Variants in APBB1IP observed in about 807,000 individuals in gnomAD.
APBB1IP encodes the protein amyloid beta precursor protein binding family B member 1 interacting protein.
In APBB1IP, 27 loss-of-function variants were observed where a neutral mutation model predicts 64.9. The ratio of observed to expected loss-of-function variants is 0.42; its 90% CI spans 0.31 to 0.57. The LOEUF (loss-of-function observed/expected upper bound fraction) is 0.57. Among genes scored for constraint, APBB1IP ranks in the 20% least tolerant of loss-of-function variants. The pLI, the probability that APBB1IP is intolerant of heterozygous loss-of-function variation, is 0.20. For synonymous variants in APBB1IP, 392 were observed against 331.0 expected, an observed-to-expected ratio of 1.18 and a Z score of -2.00; for missense variants, 812 against 845.5, an observed-to-expected ratio of 0.96 and a Z score of 0.49.
rs1393819648 is a variant in APBB1IP, at chr10:26,511,902, A to G, written c.687A>G (p.Gln229=). The change falls in exon 7 of 15, where the codon CAA becomes CAG. Residue 229 remains glutamine, a synonymous_variant. Coordinates refer to ENST00000376236, the MANE Select transcript of APBB1IP (RefSeq NM_019043.4). ...WCLYEIYPEL[Q]IERFFEDHEN... ...TTTATGAAATCTACCCGGAACTACA[A>G]ATTGGTAAGTCCCATCCCCAGCAAT... 6.2e-7 allele frequency: 1 copy of G among 1,614,150 alleles called. No homozygotes were observed. The highest frequency in any genetic ancestry group is 2.2e-5 in the East Asian group (1 of 44,886).
intron 2 of APBB1IP, among the ~76,000 whole-genome samples, chr10:26,439,234 C>T (rs1835313491): frequency 6.6e-6 from 1 of 152,056 alleles, no homozygotes; most frequent in Admixed American, 6.6e-5. Flanking sequence ...GTCCGGGAGC[C>T]CCAGTCTCCC....
At position 26,443,683 on chromosome 10, in the gene APBB1IP, C is replaced by T. The variant is rs376423795; in HGVS notation, c.-1+4830C>T. Among the ~76,000 whole-genome samples the T allele has an allele frequency of 6.8e-5, 10 of 147,692 alleles. No homozygotes were observed. The East Asian group carries it at 1.4e-3, about 21-fold the overall frequency. On this transcript the variant is annotated intron_variant, in intron 2 of 14. Transcript: ENST00000376236. ...TCATGTAGCTGGGATCACAGGTGTG[C>T]GTCACCATGCCCAGCTAATTAAAAA...
chr10:26,443,327 G>A (rs1263946327), intron 2 of APBB1IP, among the ~76,000 whole-genome samples: 1 of 151,952 alleles, frequency 6.6e-6, no homozygotes. Context: ...GGGAGGCTGA[G>A]GCAGGAGAAT....
chr10:26,561,064 C>CTTTTTTTTTTTTTTTTT (rs764573338), intron 13 of APBB1IP, among the ~76,000 whole-genome samples: 2 of 69,218 alleles, frequency 2.9e-5, no homozygotes, highest in African/African-American at 5.9e-5. Flanking sequence ...TTCTTTCTTT[C>CTTTTTTTTTTTTTTTTT]TTTTTTTTTT....
chr10:26,536,214 T>G lies in APBB1IP; in HGVS notation c.1041T>G (p.Thr347=). Residue 347 remains threonine (T), a synonymous_variant, in exon 10 of 15, where the codon ACT becomes ACG. Coordinates refer to ENST00000376236, the MANE Select transcript of APBB1IP (RefSeq NM_019043.4). ...TTTATTATGTACCCAAAGGAAAGAC[T>G]AAGGTCAGAAAAAAAAAAAAAAAAG... ...SGIYYVPKGK[T]KTSRDLACFI... The G allele has an allele frequency of 1.4e-6, 2 of 1,410,000 alleles. No individual in the cohort carries two copies. The highest frequency in any genetic ancestry group is 1.5e-5 in the South Asian group (1 of 64,960). The allele number at this position is 1,410,000 out of a possible 1,614,324, so 87.3% of individuals were successfully genotyped here.
At chr10:26,467,656 A>T (rs1835664747) in intron 2 of APBB1IP, among the ~76,000 whole-genome samples, 1 of 152,180 alleles carries the variant, frequency 6.6e-6, no homozygotes, top group South Asian at 2.1e-4. Context: ...CGATCATGCC[A>T]CTGCACTCCA....
At chr10:26,554,457 A>G (rs748249361) in intron 11 of APBB1IP, among the ~76,000 whole-genome samples, 8 of 152,182 alleles carry the variant, frequency 5.3e-5, no homozygotes, top group Non-Finnish European at 8.8e-5. Context: ...TGCGTGTGCC[A>G]ATCTCTGCCT....
chr10:26,541,826 G>A, intron 11 of APBB1IP, 134 bp downstream of exon 11: 1 of 588,028 alleles, frequency 1.7e-6, no homozygotes, highest in Admixed American at 3.9e-5. Context: ...AGGAATGAGG[G>A]AAACATTTCT....
rs772671169 is a variant in APBB1IP at position 26,492,317 on chromosome 10, C to T, written c.1-10C>T. 3.1e-6 allele frequency: 5 copies of T among 1,612,840 alleles called. No homozygotes were observed. The highest frequency in any genetic ancestry group is 4.5e-5 in the East Asian group (2 of 44,860). On this transcript the variant is annotated splice_polypyrimidine_tract_variant and intron_variant, in intron 2 of 14. Transcript: ENST00000376236. ...GAGACTGCTAATATCTCAGTTTCTT[C>T]CTTTTTCAGATGGGTGAGTCAAGTG...
chr10:26,532,627 A>G (rs1447731416), intron 8 of APBB1IP, among the ~76,000 whole-genome samples: 1 of 152,038 alleles, frequency 6.6e-6, no homozygotes, highest in Non-Finnish European at 1.5e-5. Flanking sequence ...GACTACAAGC[A>G]TGCATGCCGC....
intron 11 of APBB1IP, among the ~76,000 whole-genome samples, chr10:26,558,640 A>G (rs1472729554): frequency 2.7e-5 from 4 of 149,946 alleles, no homozygotes; most frequent in Non-Finnish European, 4.4e-5. Context: ...AAAGCCAAGC[A>G]TGGATGCATG....
At chr10:26,440,556 G>A (rs1355214932) in intron 2 of APBB1IP, among the ~76,000 whole-genome samples, 3 of 152,140 alleles carry the variant, frequency 2.0e-5, no homozygotes, top group Non-Finnish European at 4.4e-5. Flanking sequence ...ATAAGAAACA[G>A]CCCAAACTTG....
chr10:26,439,952 C>G (rs984853085), intron 2 of APBB1IP, among the ~76,000 whole-genome samples: 1 of 152,110 alleles, frequency 6.6e-6, no homozygotes, highest in African/African-American at 2.4e-5. Flanking sequence ...TGGGCCAGGA[C>G]GATGATGCTG....
intron 9 of APBB1IP, 120 bp from the exon 10 acceptor site, chr10:26,535,954 C>A: frequency 9.9e-7 from 1 of 1,010,204 alleles, no homozygotes; most frequent in Non-Finnish European, 1.4e-6. Context: ...TGCATTCGAT[C>A]AGAGTTGTAC....
At chr10:26,536,821 G>A (rs1836631194) in intron 10 of APBB1IP, among the ~76,000 whole-genome samples, 1 of 150,320 alleles carries the variant, frequency 6.7e-6, no homozygotes, top group Admixed American at 6.7e-5. Flanking sequence ...TGCTTAGGCT[G>A]GTCTTGAACT....
At chr10:26,562,528 A>T in intron 14 of APBB1IP, 99 bp downstream of exon 14, 1 of 985,624 alleles carries the variant, frequency 1.0e-6, no homozygotes, top group Non-Finnish European at 1.6e-6. Flanking sequence ...AGCTGAGTGC[A>T]GTAGCTCACA....
In APBB1IP at chr10:26,492,310, G is replaced by A; in HGVS notation, c.1-17G>A. 2 of 1,611,996 alleles carry A rather than the reference G, an allele frequency of 1.2e-6. No homozygotes were observed. Among genetic ancestry groups the A allele is most frequent in the Non-Finnish European group, 1.7e-6 (2 of 1,178,498 alleles). On this transcript the variant is annotated splice_polypyrimidine_tract_variant and intron_variant, in intron 2 of 14. Coordinates refer to ENST00000376236, the MANE Select transcript of APBB1IP (RefSeq NM_019043.4). ...CTTTTATGAGACTGCTAATATCTCA[G>A]TTTCTTCCTTTTTCAGATGGGTGAG...
chr10:26,506,241 G>T (rs571371681), intron 6 of APBB1IP, among the ~76,000 whole-genome samples: 1 of 46,124 alleles, frequency 2.2e-5, no homozygotes, highest in Admixed American at 1.6e-4. Context: ...TAACACTACC[G>T]TGTGTGTGTG....
intron 8 of APBB1IP, among the ~76,000 whole-genome samples, chr10:26,516,298 TA>T (rs1241722938): frequency 1.3e-5 from 2 of 151,954 alleles, no homozygotes; most frequent in Non-Finnish European, 2.9e-5. Flanking sequence ...CTCCCGCCTG[TA>T]ATCCAGCACT....
Sources: allele counts gnomAD v4.1 joint callset (sites outside exome capture counted in the v4.1 genomes callset), GRCh38; gene constraint gnomAD v4.1.1; transcripts MANE v1.5; gene names NCBI Gene and HGNC (gene_info 2026-07-23, HGNC 2026-07-21).